AFF1: variants seen among roughly 807,000 people sequenced by gnomAD.
AFF1 encodes AF4/FMR2 family member 1.
Under a neutral mutation model 121.7 loss-of-function variants are expected in AFF1, and 48 were observed. The ratio of observed to expected loss-of-function variants is 0.39; its 90% confidence interval spans 0.31 to 0.50. AFF1 has a LOEUF of 0.50. Ranked by LOEUF, AFF1 falls within the 20% of genes least tolerant of loss-of-function variation. The pLI, the probability that AFF1 is intolerant of heterozygous loss-of-function variation, is 0.76. For missense variants in AFF1, 1,523 were observed against 1,511.7 expected, an observed-to-expected ratio of 1.01 and a Z score of -0.12; for synonymous variants, 613 against 563.0, an observed-to-expected ratio of 1.09 and a Z score of -1.26.
At chr4:86,986,596 G>GA (rs537119945) in intron 2 of AFF1, among the ~76,000 whole-genome samples, 26 of 146,984 alleles carry the variant, frequency 1.8e-4, no homozygotes, top group Non-Finnish European at 2.1e-4. Flanking sequence ...GAACTCTGCA[G>GA]AAAAAAAAAA....
chr4:87,117,766 C>T (rs967252104), intron 12 of AFF1, among the ~76,000 whole-genome samples: 6 of 152,204 alleles, frequency 3.9e-5, no homozygotes, highest in African/African-American at 1.4e-4. Context: ...AATCATGTGT[C>T]GTTTGGTTTA....
At chr4:87,034,503 T>C (rs1302367333) in intron 2 of AFF1, among the ~76,000 whole-genome samples, 3 of 152,246 alleles carry the variant, frequency 2.0e-5, no homozygotes, top group African/African-American at 7.2e-5. Flanking sequence ...TGTCCAAGTT[T>C]TCATCCTAGA....
intron 2 of AFF1, among the ~76,000 whole-genome samples, chr4:87,031,179 C>T (rs1729043711): frequency 6.6e-6 from 1 of 152,138 alleles, no homozygotes; most frequent in African/African-American, 2.4e-5. Context: ...CTTTCGGACC[C>T]ATCCTGTGAG....
chr4:87,126,138 G>A lies in AFF1; in HGVS notation c.2613G>A (p.Met871Ile), dbSNP rs1382329177. ...CCTCACAGTCCTCAAAGAAGGAAATGCTCCCCCCGCCACCCGTGTCCTCGT... is the reference window on the plus strand; with the variant it reads ...CCTCACAGTCCTCAAAGAAGGAAATACTCCCCCCGCCACCCGTGTCCTCGT... ...RPSSQSSKKEMLPPPPVSSSS... is the reference protein window; with the variant it reads ...RPSSQSSKKEILPPPPVSSSS... Residue 871 changes from methionine to isoleucine, a missense_variant, in exon 14 of 21, where the codon ATG becomes ATA. This residue lies in a region of AFF1 where 905 missense variants were observed against 842.5 expected (regional missense o/e 1.07). Transcript: ENST00000395146. The A allele has an allele frequency of 6.2e-7, 1 of 1,614,012 alleles. No individual in the cohort carries two copies. The highest frequency in any genetic ancestry group is 8.5e-7 in the Non-Finnish European group (1 of 1,180,026).
At chr4:87,046,073 T>C (rs1730655638) in intron 2 of AFF1, 93 bp from the exon 3 acceptor site, 2 of 1,483,676 alleles carry the variant, frequency 1.3e-6, no homozygotes, top group African/African-American at 1.4e-5. Flanking sequence ...CCCAGACCTG[T>C]CCTCACCTCC....
At chr4:87,064,808 G>T (rs762418963) in intron 4 of AFF1, among the ~76,000 whole-genome samples, 7 of 150,958 alleles carry the variant, frequency 4.6e-5, no homozygotes, top group Non-Finnish European at 1.0e-4. Flanking sequence ...GGAAGCGGAG[G>T]TTGCAGTAAA....
chr4:87,102,678 T>C (rs1725540029), intron 8 of AFF1, among the ~76,000 whole-genome samples: 1 of 152,176 alleles, frequency 6.6e-6, no homozygotes, highest in East Asian at 1.9e-4. Context: ...CTAGACAGAA[T>C]ATAAAAGGTG....
chr4:87,071,355 G>T (rs1032991497), intron 4 of AFF1, among the ~76,000 whole-genome samples: 1 of 152,052 alleles, frequency 6.6e-6, no homozygotes, highest in African/African-American at 2.4e-5. Flanking sequence ...ATCTGCTCAG[G>T]GGCCTGTCTT....
chr4:86,979,308 G>A (rs1235171261), intron 2 of AFF1, among the ~76,000 whole-genome samples: 1 of 152,052 alleles, frequency 6.6e-6, no homozygotes, highest in African/African-American at 2.4e-5. Context: ...ATGTTCACCA[G>A]GCTGGTCTCG....
chr4:86,984,052 G>GAAAAA (rs1048852254), intron 2 of AFF1, among the ~76,000 whole-genome samples: 2 of 151,920 alleles, frequency 1.3e-5, no homozygotes, highest in African/African-American at 4.8e-5. Flanking sequence ...AAAAGAAAAA[G>GAAAAA]AAAAAAGAAA....
intron 2 of AFF1, among the ~76,000 whole-genome samples, chr4:86,949,166 A>T (rs1414051197): frequency 9.0e-6 from 1 of 110,572 alleles, no homozygotes; most frequent in Admixed American, 1.0e-4. Flanking sequence ...ATTCAAAAAT[A>T]TATATATATA....
At chr4:87,087,649 G>C (rs1310697482) in intron 5 of AFF1, among the ~76,000 whole-genome samples, 1 of 152,208 alleles carries the variant, frequency 6.6e-6, no homozygotes, top group East Asian at 1.9e-4. Flanking sequence ...AGTCCCTCTA[G>C]TAAGCTAGGC....
chr4:86,971,776 A>C (rs944140136), intron 2 of AFF1, among the ~76,000 whole-genome samples: 2 of 152,238 alleles, frequency 1.3e-5, no homozygotes, highest in African/African-American at 4.8e-5. Context: ...GGTAGAGATG[A>C]ATTATGAGTG....
intron 2 of AFF1, among the ~76,000 whole-genome samples, chr4:87,008,620 GT>G (rs11355941): frequency 0.61 from 88,651 of 144,966 alleles, 29,827 homozygotes; most frequent in South Asian, 0.84. Context: ...GAAATTTAGT[GT>G]TTTTTTTTTT....
intron 4 of AFF1, among the ~76,000 whole-genome samples, chr4:87,077,755 AT>A (rs1177949566): frequency 1.3e-5 from 2 of 152,174 alleles, no homozygotes; most frequent in African/African-American, 4.8e-5. Flanking sequence ...TTAAAAATTT[AT>A]TCTTCTAAAC....
At chr4:87,130,362 T>C (rs975966282) in intron 16 of AFF1, among the ~76,000 whole-genome samples, 2 of 152,218 alleles carry the variant, frequency 1.3e-5, no homozygotes, top group Admixed American at 1.3e-4. Flanking sequence ...TCATGGGCAG[T>C]ACATACGCCA....
intron 8 of AFF1, among the ~76,000 whole-genome samples, chr4:87,104,608 A>G (rs1221791705): frequency 6.6e-6 from 1 of 152,128 alleles, no homozygotes; most frequent in African/African-American, 2.4e-5. Flanking sequence ...AAACATAGTG[A>G]TTTTTACCAG....
At chr4:86,998,686 ACT>A (rs944185717) in intron 2 of AFF1, among the ~76,000 whole-genome samples, 21 of 152,194 alleles carry the variant, frequency 1.4e-4, no homozygotes, top group African/African-American at 1.9e-4. Context: ...TAATCAAAAA[ACT>A]CTGATACTAT....
chr4:87,063,715 C>T (rs756403886), intron 4 of AFF1, among the ~76,000 whole-genome samples: 5 of 152,142 alleles, frequency 3.3e-5, no homozygotes, highest in African/African-American at 4.8e-5. Flanking sequence ...ATTTCCTGAG[C>T]TAGAGGGCTG....
Sources: allele counts gnomAD v4.1 joint callset (sites outside exome capture counted in the v4.1 genomes callset), GRCh38; gene constraint gnomAD v4.1.1; regional missense constraint gnomAD v4.1.1; transcripts MANE v1.5; gene names NCBI Gene and HGNC (gene_info 2026-07-23, HGNC 2026-07-21).